Variants in DCAF6 observed in about 807,000 individuals in gnomAD.
DCAF6 encodes DDB1 and CUL4 associated factor 6, also known as DDB1- and CUL4-associated factor 6.
DCAF6 carries 54 observed loss-of-function variants against 125.1 expected under a neutral mutation model. The ratio of observed to expected loss-of-function variants is 0.43; its 90% CI spans 0.35 to 0.54. The LOEUF (loss-of-function observed/expected upper bound fraction) is 0.54, where lower values mean the gene tolerates loss of function less well. Ranked by LOEUF, DCAF6 falls within the 20% of genes least tolerant of loss-of-function variation. The pLI is 0.01. For synonymous variants in DCAF6, 371 were observed against 390.4 expected (o/e 0.95, Z 0.58); for missense variants, 934 against 1,161.7 (o/e 0.80, Z 2.85).
In DCAF6 at chr1:168,045,017, A is replaced by C; in HGVS notation, c.2048A>C (p.Lys683Thr). The C allele has an allele frequency of 6.2e-7, 1 of 1,614,114 alleles. No homozygotes were observed. Among genetic ancestry groups the C allele is most frequent in the Non-Finnish European group, 8.5e-7 (1 of 1,179,970 alleles). Residue 683 changes from lysine (K) to threonine (T), a missense_variant, in exon 16 of 22, where the codon AAG (lysine) becomes ACG (threonine). By Grantham distance (78) the Lys-to-Thr change is moderately conservative (BLOSUM62 -1). This residue lies in a region of DCAF6 where 559 missense variants were observed against 635.5 expected (regional missense o/e 0.88). Transcript: ENST00000367840. ...GAATCTGCTTCATCTGAAAAAGCCA[A>C]GGAACCAGAAACTTCAGATCAGACT... ...PEESASSEKA[K>T]EPETSDQTST...
At chr1:168,006,642 T>A (rs1290163577) in intron 10 of DCAF6, among the ~76,000 whole-genome samples, 17 of 152,180 alleles carry the variant, frequency 1.1e-4, no homozygotes, top group Admixed American at 1.1e-3. Context: ...AATGTGTTTG[T>A]GAATATTGGG....
At chr1:167,991,408 G>C in intron 6 of DCAF6, 69 bp downstream of exon 6, 1 of 1,413,162 alleles carries the variant, frequency 7.1e-7, no homozygotes, top group South Asian at 1.6e-5. Context: ...GACATTTTCA[G>C]TTTTAAAATT....
At chr1:167,987,468 T>A (rs150740345) in intron 4 of DCAF6, 27 bp from the exon 5 acceptor site, 1 of 1,071,478 alleles carries the variant, frequency 9.3e-7, no homozygotes, top group African/African-American at 1.6e-5. Context: ...TTCGTATGAT[T>A]ATCTGCACTT....
the DCAF6 span, chr1:167,904,542 C>A: frequency 2.6e-5 from 9 of 343,560 alleles, no homozygotes; most frequent in Non-Finnish European, 4.8e-5. Flanking sequence ...GTGATAACTG[C>A]AACTTCTTTA....
At position 168,024,973 on chromosome 1, in the gene DCAF6, A is replaced by C. The variant is rs114203853; in HGVS notation, c.1609+1926A>C. Among the ~76,000 whole-genome samples the C allele has an allele frequency of 7.9e-3, 1,203 of 152,258 alleles. 13 individuals carry two copies. Among genetic ancestry groups the C allele is most frequent in the African/African-American group, 0.027 (1,134 of 41,542 alleles). On this transcript the variant is annotated intron_variant, in intron 12 of 21. Transcript: ENST00000367840. ...AATTAATTTGCAAACTAAGGAATTA[A>C]GCATGTGTTATTTTATATGTTTATT... is the stretch of plus-strand genomic sequence containing the variant.
the DCAF6 span, chr1:167,870,468 T>C: frequency 6.9e-7 from 1 of 1,451,554 alleles, no homozygotes; most frequent in Non-Finnish European, 9.5e-7. Flanking sequence ...AGTCTAGAGA[T>C]ATAAAAAGTC....
the DCAF6 span, chr1:167,904,732 G>A: frequency 8.2e-6 from 5 of 612,052 alleles, no homozygotes; most frequent in African/African-American, 9.2e-5. Context: ...AGTGAAGTTG[G>A]GGCAGAGATA....
chr1:167,974,266 C>T (rs1677796132), intron 3 of DCAF6, among the ~76,000 whole-genome samples: 1 of 151,798 alleles, frequency 6.6e-6, no homozygotes, highest in South Asian at 2.1e-4. Flanking sequence ...TAAAACACTA[C>T]TAGGAGAATT....
intron 2 of DCAF6, among the ~76,000 whole-genome samples, chr1:167,963,634 G>A (rs1675965762): frequency 6.6e-6 from 1 of 151,922 alleles, no homozygotes; most frequent in Non-Finnish European, 1.5e-5. Flanking sequence ...TCACCATGTT[G>A]GCCAGGCTGG....
chr1:168,022,462 A>G (rs1685783660), intron 11 of DCAF6, among the ~76,000 whole-genome samples: 1 of 152,216 alleles, frequency 6.6e-6, no homozygotes, highest in Non-Finnish European at 1.5e-5. Flanking sequence ...ATGTTTCTGT[A>G]ATGATAATTA....
chr1:167,880,287 G>A, the DCAF6 span: 4 of 1,193,416 alleles, frequency 3.4e-6, no homozygotes, highest in Non-Finnish European at 4.9e-6. Flanking sequence ...GGTTGGGAAA[G>A]GGTGGGAAAG....
intron 12 of DCAF6, among the ~76,000 whole-genome samples, chr1:168,026,227 A>G (rs1475117348): frequency 6.6e-6 from 1 of 152,106 alleles, no homozygotes; most frequent in African/African-American, 2.4e-5. Context: ...CTTTTTGCAT[A>G]TTCTCTAAAT....
At chr1:168,003,776 C>G in intron 8 of DCAF6, 94 bp from the exon 9 acceptor site, 3 of 1,129,484 alleles carry the variant, frequency 2.7e-6, no homozygotes, top group Non-Finnish European at 3.7e-6. Context: ...TAAAAATATG[C>G]TTTCATTTTA....
chr1:167,925,410 G>T, the DCAF6 span, among the ~76,000 whole-genome samples: 2 of 131,012 alleles, frequency 1.5e-5, no homozygotes, highest in African/African-American at 2.8e-5. Context: ...ATATATGTAT[G>T]TGTATATATA....
chr1:167,896,683 G>T, the DCAF6 span: 163 of 1,604,846 alleles, frequency 1.0e-4, 1 homozygote, highest in East Asian at 3.4e-3. Flanking sequence ...GTGGTTTTAA[G>T]AAGTTAACCT....
the DCAF6 span, among the ~76,000 whole-genome samples, chr1:167,872,758 G>A: frequency 6.7e-6 from 1 of 148,852 alleles, no homozygotes; most frequent in South Asian, 2.2e-4. Context: ...GTGCAAAAGG[G>A]CAACTAGATC....
At chr1:167,980,830 G>A (rs894251879) in intron 4 of DCAF6, among the ~76,000 whole-genome samples, 1 of 150,086 alleles carries the variant, frequency 6.7e-6, no homozygotes. Flanking sequence ...CCACTTGTCT[G>A]TTATGGCTTT....
intron 10 of DCAF6, among the ~76,000 whole-genome samples, chr1:168,011,678 G>T (rs952984647): frequency 6.6e-6 from 1 of 152,042 alleles, no homozygotes; most frequent in Admixed American, 6.6e-5. Context: ...CCATTTATAG[G>T]TTAGAAACAA....
chr1:167,970,215 C>A (rs1229827197), intron 3 of DCAF6, among the ~76,000 whole-genome samples: 1 of 152,004 alleles, frequency 6.6e-6, no homozygotes, highest in Non-Finnish European at 1.5e-5. Flanking sequence ...GTTAAAAGAC[C>A]TGTTTCTGTT....
Sources: allele counts gnomAD v4.1 joint callset (sites outside exome capture counted in the v4.1 genomes callset), GRCh38; gene constraint gnomAD v4.1.1; regional missense constraint gnomAD v4.1.1; transcripts MANE v1.5; gene names NCBI Gene and HGNC (gene_info 2026-07-23, HGNC 2026-07-21).